PLXNA4: variants seen among roughly 807,000 people sequenced by gnomAD.
PLXNA4 encodes the protein plexin A4.
Under a neutral mutation model 191.8 loss-of-function variants are expected in PLXNA4, and 44 were observed. That is an observed-to-expected ratio of 0.23 (90% CI 0.18 to 0.29). The LOEUF is 0.29. PLXNA4 is among the 10% of genes least tolerant of loss of function. The pLI, the probability that PLXNA4 is intolerant of heterozygous loss-of-function variation, is 1.00. For synonymous variants in PLXNA4, 1,082 were observed against 1,009.5 expected (o/e 1.07, Z -1.36); for missense variants, 1,800 against 2,488.8 (o/e 0.72, Z 5.89).
At chr7:132,323,185 C>G (rs1802239830) in intron 3 of PLXNA4, among the ~76,000 whole-genome samples, 1 of 152,184 alleles carries the variant, frequency 6.6e-6, no homozygotes. Context: ...TCCCCACCAC[C>G]AGGCCTTAAA....
intron 3 of PLXNA4, among the ~76,000 whole-genome samples, chr7:132,325,046 A>G (rs7795989): frequency 0.81 from 122,406 of 152,054 alleles, 49,450 homozygotes; most frequent in African/African-American, 0.86. Context: ...CACTCCTGTA[A>G]CGCATCAGAC....
chr7:132,290,063 G>A (rs929918), intron 4 of PLXNA4, among the ~76,000 whole-genome samples: 1,832 of 152,258 alleles, frequency 0.012, 31 homozygotes, highest in African/African-American at 0.041. Flanking sequence ...CCCCACAGGC[G>A]TCCGCATCCT....
Position 132,158,011 on chromosome 7 carries a change from C to G in PLXNA4, c.4660+1462G>C, listed in dbSNP as rs1795844740. On this transcript the variant is annotated intron_variant, in intron 25 of 31. Coordinates refer to ENST00000321063, the MANE Select transcript of PLXNA4 (RefSeq NM_020911.2). ...GAGCACACACCCATACCCCTCCCCA[C>G]CACCATCACACATTGGCTTCCTCTG... Among the ~76,000 whole-genome samples, 3 of 152,184 alleles carry G rather than the reference C, an allele frequency of 2.0e-5. No individual in the cohort carries two copies. The South Asian group carries it at 6.2e-4, about 31-fold the overall frequency.
rs191245466 is a variant in PLXNA4, at chr7:132,342,671, G to A, written c.1372-44449C>T. ...TCAGAAGATATTTACACGAGGCCAGGCATGGTGGCTCACGCCTATAATCCC... is the reference window on the plus strand; with the variant it reads ...TCAGAAGATATTTACACGAGGCCAGACATGGTGGCTCACGCCTATAATCCC... On this transcript the variant is annotated intron_variant, in intron 3 of 31. Coordinates refer to ENST00000321063, the MANE Select transcript of PLXNA4 (RefSeq NM_020911.2). Among the ~76,000 whole-genome samples, 54 of 152,242 alleles carry A rather than the reference G, an allele frequency of 3.5e-4. 1 individual carries two copies. The highest frequency in any genetic ancestry group is 3.1e-3 in the Admixed American group (47 of 15,290).
At chr7:132,645,386 C>T (rs760323677) in intron 2 of PLXNA4, among the ~76,000 whole-genome samples, 4 of 152,158 alleles carry the variant, frequency 2.6e-5, no homozygotes, top group East Asian at 1.9e-4. Flanking sequence ...TCCTCCTTCA[C>T]GTGCGCTGTC....
chr7:132,614,875 A>G (rs1585406388), intron 2 of PLXNA4, among the ~76,000 whole-genome samples: 1 of 152,294 alleles, frequency 6.6e-6, no homozygotes, highest in East Asian at 1.9e-4. Flanking sequence ...AGAGAGGCGG[A>G]GATGGAGGAG....
chr7:132,611,078 C>T lies in PLXNA4; in HGVS notation c.-87+34850G>A, dbSNP rs114891943. 6.0e-3 allele frequency among the ~76,000 whole-genome samples: 912 copies of T among 152,326 alleles called. 9 individuals are homozygous for T. Among genetic ancestry groups the T allele is most frequent in the African/African-American group, 0.021 (880 of 41,590 alleles). ...AGACTGGCAAGTGAGCCAGTCCCCC[C>T]GGCCAGCAGCCAAGTGAATTTTTAA... On this transcript the variant is annotated intron_variant, in intron 2 of 4. Transcript: ENST00000378539.
At chr7:132,203,298 C>T (rs1302587837) in intron 11 of PLXNA4, 25 bp downstream of exon 11, 1 of 1,560,926 alleles carries the variant, frequency 6.4e-7, no homozygotes. Context: ...CCTCCCTCCC[C>T]TGCTAGGCCC....
Position 132,602,422 on chromosome 7 carries a change from G to C in PLXNA4, c.-87+43506C>G, listed in dbSNP as rs559664525. On this transcript the variant is annotated intron_variant, in intron 2 of 4. Transcript: ENST00000378539. ...ACGACCAAGAGACCATGTTGCCTCTGTCTACCAGCTCCTTTATGGCCCCGT... is the reference window on the plus strand; with the variant it reads ...ACGACCAAGAGACCATGTTGCCTCTCTCTACCAGCTCCTTTATGGCCCCGT... Among the ~76,000 whole-genome samples, 8 of 152,278 alleles carry C rather than the reference G, an allele frequency of 5.3e-5. No homozygotes were observed. In the East Asian group the frequency reaches 1.5e-3, roughly 29 times the overall value.
At chr7:132,163,209 G>C (rs142567015) in intron 24 of PLXNA4, among the ~76,000 whole-genome samples, 1 of 152,162 alleles carries the variant, frequency 6.6e-6, no homozygotes, top group African/African-American at 2.4e-5. Flanking sequence ...AAAAAATCCC[G>C]AGAGTGAGCT....
intron 4 of PLXNA4, among the ~76,000 whole-genome samples, chr7:132,294,306 C>A (rs1367143356): frequency 6.6e-6 from 1 of 152,188 alleles, no homozygotes; most frequent in Non-Finnish European, 1.5e-5. Flanking sequence ...TCACAGAGGA[C>A]ATTTCTGTGT....
At chr7:132,598,919 C>T (rs1284617020) in intron 2 of PLXNA4, among the ~76,000 whole-genome samples, 1 of 152,144 alleles carries the variant, frequency 6.6e-6, no homozygotes, top group African/African-American at 2.4e-5. Context: ...CTACTTAGGC[C>T]TTTAATCCGT....
intron 8 of PLXNA4, among the ~76,000 whole-genome samples, chr7:132,225,491 C>A (rs1226767093): frequency 6.6e-6 from 1 of 152,184 alleles, no homozygotes; most frequent in African/African-American, 2.4e-5. Flanking sequence ...AAGGGTTGAG[C>A]TTCTCAGCTG....
intron 2 of PLXNA4, among the ~76,000 whole-genome samples, chr7:132,643,784 A>G (rs1465296972): frequency 6.6e-6 from 1 of 152,126 alleles, no homozygotes; most frequent in Non-Finnish European, 1.5e-5. Flanking sequence ...CCCCATCTCT[A>G]TAAAAAAATT....
At chr7:132,146,395 T>TA in intron 28 of PLXNA4, 115 bp downstream of exon 28, 1 of 1,556,390 alleles carries the variant, frequency 6.4e-7, no homozygotes, top group Non-Finnish European at 8.8e-7. Flanking sequence ...GGGTGGGTAA[T>TA]AGAGTGGGCA....
chr7:132,603,584 C>T (rs569482161), intron 2 of PLXNA4, among the ~76,000 whole-genome samples: 50 of 152,294 alleles, frequency 3.3e-4, no homozygotes, highest in African/African-American at 1.2e-3. Flanking sequence ...TTCAGTCTCA[C>T]AGGTAAACAT....
intron 9 of PLXNA4, among the ~76,000 whole-genome samples, chr7:132,215,856 G>A (rs920622584): frequency 2.0e-5 from 3 of 152,186 alleles, no homozygotes; most frequent in Non-Finnish European, 4.4e-5. Flanking sequence ...TGTAGGCACT[G>A]CTGCATCTGG....
At chr7:132,535,239 C>T (rs1313433172) in intron 1 of PLXNA4, among the ~76,000 whole-genome samples, 1 of 152,176 alleles carries the variant, frequency 6.6e-6, no homozygotes, top group African/African-American at 2.4e-5. Flanking sequence ...AATGATGAAC[C>T]TCCCAATGAG....
chr7:132,326,785 C>T (rs902067803), intron 3 of PLXNA4, among the ~76,000 whole-genome samples: 4 of 152,018 alleles, frequency 2.6e-5, no homozygotes, highest in Admixed American at 6.5e-5. Flanking sequence ...GTGTGTGTTT[C>T]CCCCATAGAA....
Sources: gnomAD v4.1 joint callset for allele counts (sites outside exome capture counted in the v4.1 genomes callset) on GRCh38, gnomAD v4.1.1 for gene constraint, MANE v1.5 for transcripts, NCBI Gene and HGNC (gene_info 2026-07-23, HGNC 2026-07-21) for gene names.